The following CDH18 variants were observed in gnomAD, a reference collection of about 807,000 sequenced individuals.
CDH18 encodes cadherin-18.
Under a neutral mutation model 67.9 loss-of-function variants are expected in CDH18, and 31 were observed. The ratio of observed to expected loss-of-function variants is 0.46; its 90% CI spans 0.34 to 0.62. The LOEUF (loss-of-function observed/expected upper bound fraction) is 0.62, where lower values mean the gene tolerates loss of function less well. CDH18 is among the 20% of genes least tolerant of loss of function. The pLI is 0.01. For synonymous variants in CDH18, 362 were observed against 347.2 expected (o/e 1.04, Z -0.48); for missense variants, 890 against 975.5 (o/e 0.91, Z 1.17).
chr5:19,948,400 A>G (rs1170279799), intron 2 of CDH18, among the ~76,000 whole-genome samples: 2 of 152,218 alleles, frequency 1.3e-5, no homozygotes, highest in Admixed American at 1.3e-4. Context: ...GTGATGGAAT[A>G]CTACTCAACA....
At chr5:19,642,940 C>G (rs1381921804) in intron 5 of CDH18, among the ~76,000 whole-genome samples, 1 of 151,590 alleles carries the variant, frequency 6.6e-6, no homozygotes, top group Admixed American at 6.6e-5. Flanking sequence ...GGTTAATATC[C>G]AAAATATATA....
At chr5:19,543,232 C>G (rs1031114816) in intron 9 of CDH18, among the ~76,000 whole-genome samples, 1 of 151,936 alleles carries the variant, frequency 6.6e-6, no homozygotes, top group Admixed American at 6.6e-5. Flanking sequence ...TCATATCTAC[C>G]TTTATGATTC....
chr5:20,514,229 A>G (rs1755221843), intron 1 of CDH18, among the ~76,000 whole-genome samples: 1 of 152,010 alleles, frequency 6.6e-6, no homozygotes. Flanking sequence ...AAAATGTTTG[A>G]CCAATGTATT....
intron 1 of CDH18, among the ~76,000 whole-genome samples, chr5:20,563,209 G>A (rs985286058): frequency 5.9e-5 from 9 of 152,100 alleles, no homozygotes; most frequent in Admixed American, 2.0e-4. Flanking sequence ...AATAGAGGAT[G>A]GGGCAGAGTG....
chr5:20,107,234 T>C lies in CDH18; in HGVS notation c.-517-115220A>G, dbSNP rs148308780. On this transcript the variant is annotated intron_variant, in intron 2 of 14. Coordinates refer to the CDH18 transcript ENST00000507958. Reference sequence around the variant, plus strand: ...TAGCTGGGACTACAGGCGCCCTCCATCACGCCCGGCTATTTTTTTAGTAGA... The same window carrying C: ...TAGCTGGGACTACAGGCGCCCTCCACCACGCCCGGCTATTTTTTTAGTAGA... Among the ~76,000 whole-genome samples, 785 of 152,068 alleles carry C rather than the reference T, an allele frequency of 5.2e-3. 11 individuals are homozygous for C. Among genetic ancestry groups the C allele is most frequent in the African/African-American group, 0.017 (688 of 41,544 alleles).
intron 1 of CDH18, among the ~76,000 whole-genome samples, chr5:20,351,816 T>G (rs144639106): frequency 9.2e-5 from 14 of 152,246 alleles, no homozygotes; most frequent in African/African-American, 3.4e-4. Flanking sequence ...TGGGGTAAGA[T>G]CTTCACTTTT....
chr5:20,328,218 G>A (rs1738795004), intron 1 of CDH18, among the ~76,000 whole-genome samples: 1 of 152,138 alleles, frequency 6.6e-6, no homozygotes, highest in African/African-American at 2.4e-5. Flanking sequence ...CCTAGCACAA[G>A]ATCAGGAAAC....
chr5:20,346,982 ACTT>A (rs763313002), intron 1 of CDH18, among the ~76,000 whole-genome samples: 1 of 152,274 alleles, frequency 6.6e-6, no homozygotes, highest in African/African-American at 2.4e-5. Context: ...TATAGCAGAT[ACTT>A]CTTGTTGTTT....
chr5:19,852,287 A>G (rs1445087357), intron 2 of CDH18, among the ~76,000 whole-genome samples: 2 of 152,090 alleles, frequency 1.3e-5, no homozygotes, highest in Non-Finnish European at 2.9e-5. Flanking sequence ...GCTGGAAAAG[A>G]GCATAATGAC....
chr5:19,510,716 T>C (rs978198720), intron 10 of CDH18, among the ~76,000 whole-genome samples: 1 of 152,054 alleles, frequency 6.6e-6, no homozygotes, highest in Admixed American at 6.6e-5. Context: ...TAATCCCACA[T>C]AACCCCTACC....
At chr5:20,145,962 A>G (rs1750611556) in intron 2 of CDH18, among the ~76,000 whole-genome samples, 1 of 152,174 alleles carries the variant, frequency 6.6e-6, no homozygotes, top group Non-Finnish European at 1.5e-5. Flanking sequence ...ATTCTTCTCT[A>G]TCATCCTCTG....
chr5:19,783,005 T>C (rs1775305840), intron 3 of CDH18, among the ~76,000 whole-genome samples: 1 of 152,154 alleles, frequency 6.6e-6, no homozygotes, highest in Non-Finnish European at 1.5e-5. Context: ...GTTTAATACT[T>C]TGTGTAGTCT....
At chr5:19,907,479 T>C (rs1239097084) in intron 2 of CDH18, among the ~76,000 whole-genome samples, 1 of 152,002 alleles carries the variant, frequency 6.6e-6, no homozygotes, top group Non-Finnish European at 1.5e-5. Context: ...ATTTTGAGCA[T>C]GAAACAAAAT....
At chr5:20,010,172 G>GTGTA (rs1737295150) in intron 2 of CDH18, among the ~76,000 whole-genome samples, 1 of 151,342 alleles carries the variant, frequency 6.6e-6, no homozygotes. Flanking sequence ...GTGTGTGTGT[G>GTGTA]TGTGTGTGTG....
chr5:20,398,962 T>C lies in CDH18; in HGVS notation c.-579-143457A>G, dbSNP rs10062389. Among the ~76,000 whole-genome samples the C allele has an allele frequency of 7.1e-4, 100 of 140,206 alleles. 3 individuals carry two copies. Among genetic ancestry groups the C allele is most frequent in the East Asian group, 3.1e-3 (15 of 4,880 alleles). 92.0% of individuals were successfully genotyped at this position (140,206 alleles called of 152,430 possible). A position where few individuals can be genotyped will look rare whatever the true frequency, so the allele number is the denominator to read the frequency against. On this transcript the variant is annotated intron_variant, in intron 1 of 14. Transcript: ENST00000507958. ...CTACATAGAAAACCACCATGGCACA[T>C]GTATACCCACGTAGAAAACCACCAT...
chr5:20,057,965 T>G (rs1261734610), intron 2 of CDH18, among the ~76,000 whole-genome samples: 1 of 152,120 alleles, frequency 6.6e-6, no homozygotes, highest in Non-Finnish European at 1.5e-5. Context: ...TTCACCATTA[T>G]CAAAAAAGAA....
intron 2 of CDH18, among the ~76,000 whole-genome samples, chr5:19,919,504 T>C (rs1007966554): frequency 6.6e-6 from 1 of 152,088 alleles, no homozygotes; most frequent in Non-Finnish European, 1.5e-5. Flanking sequence ...GTAGCTACTA[T>C]CAGAATCAAA....
chr5:19,523,811 C>T (rs555919131), intron 9 of CDH18, among the ~76,000 whole-genome samples: 1 of 152,090 alleles, frequency 6.6e-6, no homozygotes, highest in South Asian at 2.1e-4. Flanking sequence ...AATATACATA[C>T]TATCAGTACA....
At chr5:20,253,621 G>C (rs1744020922) in intron 2 of CDH18, among the ~76,000 whole-genome samples, 1 of 152,086 alleles carries the variant, frequency 6.6e-6, no homozygotes, top group Admixed American at 6.5e-5. Flanking sequence ...AGAATTAACA[G>C]TAGAATTGAC....
Sources: allele counts gnomAD v4.1 joint callset (sites outside exome capture counted in the v4.1 genomes callset), GRCh38; gene constraint gnomAD v4.1.1; transcripts MANE v1.5; gene names NCBI Gene and HGNC (gene_info 2026-07-23, HGNC 2026-07-21).